Variants in TRHDE observed in about 807,000 individuals in gnomAD.
The protein encoded by TRHDE is thyrotropin releasing hormone degrading enzyme.
Under a neutral mutation model 125.7 loss-of-function variants are expected in TRHDE, and 72 were observed. That is an observed-to-expected ratio of 0.57 (90% CI 0.47 to 0.70). TRHDE has a LOEUF of 0.70. TRHDE is among the 30% of genes least tolerant of loss of function. TRHDE has a pLI of 0.00. For missense variants in TRHDE, 1,110 were observed against 1,327.1 expected, an observed-to-expected ratio of 0.84 and a Z score of 2.54; for synonymous variants, 509 against 509.1, an observed-to-expected ratio of 1.00 and a Z score of 0.00.
At position 72,378,024 on chromosome 12, in the gene TRHDE, C is replaced by T. The variant is rs1480957705; in HGVS notation, c.1218C>T (p.Ile406=). Residue 406 remains isoleucine (I), a synonymous_variant, in exon 3 of 19, where the codon ATC becomes ATT. Transcript: ENST00000261180. ...VVRLYARPDA[I]RRGSGDYALH... ...GATTATATGCAAGACCTGATGCTATCAGAAGAGGATCCGGGGACTATGCTC... is the reference window on the plus strand; with the variant it reads ...GATTATATGCAAGACCTGATGCTATTAGAAGAGGATCCGGGGACTATGCTC... The T allele has an allele frequency of 6.2e-7, 1 of 1,601,648 alleles. No homozygotes were observed. Among genetic ancestry groups the T allele is most frequent in the African/African-American group, 1.3e-5 (1 of 74,436 alleles).
At chr12:72,092,656 G>C (rs2139283297) in intron 1 of TRHDE, among the ~76,000 whole-genome samples, 1 of 152,322 alleles carries the variant, frequency 6.6e-6, no homozygotes, top group Admixed American at 6.5e-5. Flanking sequence ...ACAGTTCTCT[G>C]AGGCTAACGG....
chr12:72,408,673 T>C, intron 3 of TRHDE, among the ~76,000 whole-genome samples: 1 of 152,106 alleles, frequency 6.6e-6, no homozygotes, highest in East Asian at 1.9e-4. Flanking sequence ...ATTCCTATAA[T>C]AGAATACTCG....
At chr12:72,102,074 G>C (rs1003123202) in intron 1 of TRHDE, among the ~76,000 whole-genome samples, 2 of 152,192 alleles carry the variant, frequency 1.3e-5, no homozygotes, top group African/African-American at 4.8e-5. Flanking sequence ...GGAATCTTTA[G>C]AAAGCAGTAA....
chr12:72,223,611 A>T (rs1484081825), intron 2 of TRHDE, among the ~76,000 whole-genome samples: 5 of 152,116 alleles, frequency 3.3e-5, no homozygotes, highest in Admixed American at 2.0e-4. Context: ...CAGACCTGTT[A>T]ATGTAATAGA....
chr12:72,280,397 C>G (rs576656970), intron 1 of TRHDE, among the ~76,000 whole-genome samples: 1 of 152,142 alleles, frequency 6.6e-6, no homozygotes, highest in African/African-American at 2.4e-5. Context: ...GTAGGACCAA[C>G]GTTCTTGCTT....
chr12:72,583,923 C>CTTTT lies in TRHDE; in HGVS notation c.2321+8405_2321+8408dup, dbSNP rs1190363456. ...GCTTGTGGCTCTAAAGGATGACAAA[C>CTTTT]TTTTTTTTTTTTTTTTTTTTTTTTT... On this transcript the variant is annotated intron_variant, in intron 12 of 18. Transcript: ENST00000261180. Among the ~76,000 whole-genome samples the CTTTT allele has an allele frequency of 9.8e-4, 59 of 60,484 alleles. 8 individuals carry two copies. The highest frequency in any genetic ancestry group is 2.2e-3 in the East Asian group (2 of 926). The allele number at this position is 60,484 out of a possible 152,430, so 39.7% of individuals were successfully genotyped here.
intron 1 of TRHDE, among the ~76,000 whole-genome samples, chr12:72,093,383 G>C (rs1874836768): frequency 6.6e-6 from 1 of 152,142 alleles, no homozygotes; most frequent in Admixed American, 6.6e-5. Flanking sequence ...GAGTTGTGAA[G>C]TTTTCAGTCA....
At chr12:72,564,653 A>ATTTTGTTTTTTTT (rs1870345834) in intron 9 of TRHDE, among the ~76,000 whole-genome samples, 1 of 54,276 alleles carries the variant, frequency 1.8e-5, no homozygotes, top group Non-Finnish European at 3.3e-5. Flanking sequence ...ATGCGTATGA[A>ATTTTGTTTTTTTT]TTTTTTTTTT....
chr12:72,108,504 T>C (rs1326197983), intron 2 of TRHDE, among the ~76,000 whole-genome samples: 1 of 152,136 alleles, frequency 6.6e-6, no homozygotes, highest in Non-Finnish European at 1.5e-5. Flanking sequence ...TGCTGTTTAT[T>C]TTTGCAAGTA....
intron 3 of TRHDE, among the ~76,000 whole-genome samples, chr12:72,417,231 A>C (rs548262105): frequency 6.6e-5 from 10 of 152,166 alleles, no homozygotes; most frequent in African/African-American, 2.2e-4. Flanking sequence ...CTGGACTATT[A>C]ACCTTTAAAT....
intron 2 of TRHDE, among the ~76,000 whole-genome samples, chr12:72,360,136 C>G (rs1871002205): frequency 6.6e-6 from 1 of 151,714 alleles, no homozygotes; most frequent in South Asian, 2.1e-4. Flanking sequence ...AAACAAAAGT[C>G]TTAAACTTTT....
chr12:72,624,308 ATTTG>A (rs1236184452), intron 15 of TRHDE, among the ~76,000 whole-genome samples: 1 of 151,634 alleles, frequency 6.6e-6, no homozygotes, highest in Non-Finnish European at 1.5e-5. Context: ...TTTGCTTTTT[ATTTG>A]TTTAACTGAA....
intron 2 of TRHDE, among the ~76,000 whole-genome samples, chr12:72,344,797 C>T (rs1250363584): frequency 6.6e-6 from 1 of 152,054 alleles, no homozygotes; most frequent in Non-Finnish European, 1.5e-5. Context: ...CTGCTCCTGC[C>T]TGGTCAAGCA....
At chr12:72,310,704 A>T (rs1445951829) in intron 2 of TRHDE, among the ~76,000 whole-genome samples, 1 of 152,134 alleles carries the variant, frequency 6.6e-6, no homozygotes, top group Non-Finnish European at 1.5e-5. Context: ...GCGAGAAGGC[A>T]GCCATTTAAA....
intron 12 of TRHDE, among the ~76,000 whole-genome samples, chr12:72,579,123 GTA>G (rs1005865693): frequency 5.9e-5 from 9 of 151,702 alleles, no homozygotes; most frequent in African/African-American, 2.2e-4. Context: ...CTTTTGTTGT[GTA>G]TGTGTATTTT....
rs75692842 is a variant in TRHDE at position 72,315,296 on chromosome 12, C to T, written c.1188+28342C>T. ...ATTTTAAAGTGATAACTAAGGATTG[C>T]TTTTTGCTAATTTTGTAAGAAAAAA... is the stretch of plus-strand genomic sequence containing the variant. On this transcript the variant is annotated intron_variant, in intron 2 of 18. Coordinates refer to ENST00000261180, the MANE Select transcript of TRHDE (RefSeq NM_013381.3). Among the ~76,000 whole-genome samples the T allele has an allele frequency of 5.6e-4, 85 of 152,156 alleles. 1 individual carries two copies. In the East Asian group the frequency reaches 0.016, roughly 29 times the overall value.
intron 6 of TRHDE, among the ~76,000 whole-genome samples, chr12:72,509,574 T>G (rs1174714466): frequency 2.0e-5 from 3 of 152,164 alleles, no homozygotes; most frequent in African/African-American, 7.2e-5. Context: ...TTGCTCTCCT[T>G]GAAACCTTTA....
At chr12:72,435,190 C>T (rs993701824) in intron 3 of TRHDE, among the ~76,000 whole-genome samples, 8 of 152,310 alleles carry the variant, frequency 5.3e-5, no homozygotes, top group South Asian at 2.1e-4. Context: ...CTGCTGACTA[C>T]GAATTAAAAA....
intron 3 of TRHDE, among the ~76,000 whole-genome samples, chr12:72,431,459 A>G (rs765243953): frequency 9.9e-5 from 15 of 152,158 alleles, no homozygotes; most frequent in Admixed American, 3.3e-4. Context: ...AAATATTTTG[A>G]CTTACATTAA....
Sources: allele counts gnomAD v4.1 joint callset (sites outside exome capture counted in the v4.1 genomes callset), GRCh38; gene constraint gnomAD v4.1.1; transcripts MANE v1.5; gene names NCBI Gene and HGNC (gene_info 2026-07-23, HGNC 2026-07-21).